Variants in TOMM7 observed in about 807,000 individuals in gnomAD.
TOMM7 encodes the protein mitochondrial import receptor subunit TOM7 homolog.
Under a neutral mutation model 9.5 loss-of-function variants are expected in TOMM7, and 8 were observed. The ratio of observed to expected loss-of-function variants is 0.84; its 90% CI spans 0.49 to 1.51. TOMM7 has a LOEUF of 1.51. Among genes scored for constraint, TOMM7 ranks in the 40% most tolerant of loss-of-function variants. TOMM7 has a pLI of 0.00. For missense variants in TOMM7, 74 were observed against 63.7 expected (o/e 1.16, Z -0.55); for synonymous variants, 27 against 21.4 (o/e 1.26, Z -0.72).
chr7:22,821,136 G>C (rs1364427859), intron 1 of TOMM7, among the ~76,000 whole-genome samples: 2 of 152,204 alleles, frequency 1.3e-5, no homozygotes, highest in Non-Finnish European at 1.5e-5. Flanking sequence ...ACTTGGCCAG[G>C]CACGGTGGCT....
At position 22,813,001 on chromosome 7, in the gene TOMM7, A is replaced by G. The variant is rs1562671353; in HGVS notation, c.*169T>C. ...CTGTTAAAAACATTTATTCTGATAC[A>G]TTCTATCATAAGTTAGTACAAGTTC... On this transcript the variant is annotated 3_prime_UTR_variant, in exon 3 of 3. Transcript: ENST00000358435. 3.0e-6 allele frequency: 2 copies of G among 662,430 alleles called. No homozygotes were observed. The highest frequency in any genetic ancestry group is 5.2e-5 in the East Asian group (2 of 38,292). The allele number at this position is 662,430 out of a possible 1,614,324, so 41.0% of individuals were successfully genotyped here.
chr7:22,814,466 C>T (rs951083605), intron 2 of TOMM7, among the ~76,000 whole-genome samples: 5 of 151,908 alleles, frequency 3.3e-5, no homozygotes, highest in Non-Finnish European at 7.4e-5. Context: ...CTGCAGTGAG[C>T]CATGACTGCG....
intron 2 of TOMM7, chr7:22,817,777 T>C: frequency 2.2e-6 from 1 of 462,148 alleles, no homozygotes; most frequent in Non-Finnish European, 3.9e-6. Flanking sequence ...GGATAATAAA[T>C]TCTTTTTCTG....
chr7:22,818,153 T>C (rs558500584), intron 1 of TOMM7, 105 bp from the exon 2 acceptor site: 3 of 1,071,292 alleles, frequency 2.8e-6, no homozygotes, highest in Admixed American at 3.9e-5. Context: ...CTAGGATAGT[T>C]AGAATGATAT....
At chr7:22,821,645 G>C (rs1782393065) in intron 1 of TOMM7, among the ~76,000 whole-genome samples, 1 of 151,804 alleles carries the variant, frequency 6.6e-6, no homozygotes, top group South Asian at 2.1e-4. Flanking sequence ...AGCTACTCGG[G>C]AGGCTAAGGG....
In TOMM7 at chr7:22,819,239, A is replaced by AT. The variant is rs1782355057; in HGVS notation, c.104-1192dup. 7.2e-5 allele frequency among the ~76,000 whole-genome samples: 11 copies of AT among 152,328 alleles called. No homozygotes were observed. In the South Asian group the frequency reaches 2.1e-3, roughly 29 times the overall value. On this transcript the variant is annotated intron_variant, in intron 1 of 2. Coordinates refer to ENST00000358435, the MANE Select transcript of TOMM7 (RefSeq NM_019059.5). ...TCTGCAATTTTATCTTATTTAAAAG[A>AT]TAAAAAATAGTATATGTAATAGGGA...
Position 22,822,599 on chromosome 7 carries a change from C to T in TOMM7, c.103+78G>A, listed in dbSNP as rs546769310. ...GTGTCCCCTATTTTTCTCTCCCTCCCCCGACGGCCAAAAATGGGGCTGCTG... is the reference window on the plus strand; with the variant it reads ...GTGTCCCCTATTTTTCTCTCCCTCCTCCGACGGCCAAAAATGGGGCTGCTG... On this transcript the variant is annotated intron_variant, in intron 1 of 2. Transcript: ENST00000358435. 322 of 1,322,852 alleles carry T rather than the reference C, an allele frequency of 2.4e-4. 3 individuals are homozygous for T. Among genetic ancestry groups the T allele is most frequent in the South Asian group, 8.8e-4 (73 of 82,844 alleles). The allele number at this position is 1,322,852 out of a possible 1,614,324, so 81.9% of individuals were successfully genotyped here. A position where few individuals can be genotyped will look rare whatever the true frequency, so the allele number is the denominator to read the frequency against.
intron 2 of TOMM7, among the ~76,000 whole-genome samples, chr7:22,816,804 G>A (rs1782322259): frequency 6.6e-6 from 1 of 152,232 alleles, no homozygotes; most frequent in South Asian, 2.1e-4. Flanking sequence ...ACATGATCCA[G>A]TGGAAAGAAT....
intron 2 of TOMM7, among the ~76,000 whole-genome samples, 199 bp from the exon 3 acceptor site, chr7:22,813,384 GCA>G (rs987843728): frequency 2.6e-5 from 4 of 152,050 alleles, no homozygotes; most frequent in African/African-American, 9.7e-5. Flanking sequence ...TTTCTTTTGA[GCA>G]CAGTTACCTA....
intron 1 of TOMM7, 28 bp downstream of exon 1, chr7:22,822,645 CCAGT>C (rs1335932522): frequency 5.1e-6 from 8 of 1,583,576 alleles, no homozygotes; most frequent in Middle Eastern, 1.7e-4. Flanking sequence ...CCTCTTCCCT[CCAGT>C]CACTTTCCCG....
chr7:22,817,919 A>C, intron 2 of TOMM7, 81 bp downstream of exon 2: 1 of 1,367,238 alleles, frequency 7.3e-7, no homozygotes, highest in Non-Finnish European at 1.0e-6. Flanking sequence ...AAGGCCTGCC[A>C]CTATTACTCT....
At position 22,818,070 on chromosome 7, in the gene TOMM7, A is replaced by C. The variant is rs1262401050; in HGVS notation, c.104-22T>G. 4 of 1,610,670 alleles carry C rather than the reference A, an allele frequency of 2.5e-6. No individual in the cohort carries two copies. In the Admixed American group the frequency reaches 6.7e-5, roughly 27 times the overall value. On this transcript the variant is annotated intron_variant, in intron 1 of 2. Transcript: ENST00000358435. ...AATCCTGAATCAAGGAAGACAGAAG[A>C]GAAAAAATATTAATTAAAACCCCAG...
At chr7:22,818,323 C>T (rs1583463487) in intron 1 of TOMM7, 1 of 301,334 alleles carries the variant, frequency 3.3e-6, no homozygotes, top group East Asian at 7.3e-5. Context: ...GGCTGGAGTG[C>T]TGTGGTATGA....
chr7:22,821,440 C>T (rs1478235028), intron 1 of TOMM7, among the ~76,000 whole-genome samples: 3 of 145,794 alleles, frequency 2.1e-5, no homozygotes, highest in Admixed American at 1.4e-4. Context: ...GAAAAAACTA[C>T]AGCCTGGCCG....
chr7:22,814,936 A>G (rs1782297622), intron 2 of TOMM7, among the ~76,000 whole-genome samples: 1 of 152,252 alleles, frequency 6.6e-6, no homozygotes, highest in South Asian at 2.1e-4. Flanking sequence ...CATAGCAGGT[A>G]TAATTCTGTT....
rs867684330 is a variant in TOMM7, at chr7:22,819,385, T to C, written c.104-1337A>G. ...GTATAAAACACTATTCTTTTTTTTT[T>C]TGAGACGGAGTCTCGCTCTGTCGCC... On this transcript the variant is annotated intron_variant, in intron 1 of 2. Coordinates refer to ENST00000358435, the MANE Select transcript of TOMM7 (RefSeq NM_019059.5). Among the ~76,000 whole-genome samples, 95 of 152,168 alleles carry C rather than the reference T, an allele frequency of 6.2e-4. 2 individuals are homozygous for C. The South Asian group carries it at 0.012, about 19-fold the overall frequency.
chr7:22,822,816 GC>G lies in TOMM7; in HGVS notation c.-38del. On this transcript the variant is annotated 5_prime_UTR_variant, in exon 1 of 3. Transcript: ENST00000358435. ...TGTGGCGCAGGGAGGACCCCTTACA[GC>G]AACCACAGCGTCGGGAATCCGAAAG... The G allele has an allele frequency of 6.5e-7, 1 of 1,537,758 alleles. No homozygotes were observed. Among genetic ancestry groups the G allele is most frequent in the Non-Finnish European group, 9.0e-7 (1 of 1,110,872 alleles).
chr7:22,818,197 G>A (rs917252545), intron 1 of TOMM7, 149 bp from the exon 2 acceptor site: 8 of 644,352 alleles, frequency 1.2e-5, no homozygotes, highest in Admixed American at 8.4e-5. Flanking sequence ...ATTTACCTAC[G>A]CTACAGAAGT....
At chr7:22,817,495 C>A in intron 2 of TOMM7, 1 of 239,060 alleles carries the variant, frequency 4.2e-6, no homozygotes, top group Non-Finnish European at 9.0e-6. Context: ...CTCCCATGAT[C>A]TTCCCACCTT....
Sources: allele counts gnomAD v4.1 joint callset (sites outside exome capture counted in the v4.1 genomes callset), GRCh38; gene constraint gnomAD v4.1.1; transcripts MANE v1.5; gene names NCBI Gene and HGNC (gene_info 2026-07-23, HGNC 2026-07-21).